Variants in NLGN1 observed in about 807,000 individuals in gnomAD.
NLGN1 encodes the protein neuroligin-1.
Under a neutral mutation model 65.5 loss-of-function variants are expected in NLGN1, and 12 were observed. The ratio of observed to expected loss-of-function variants is 0.18; its 90% confidence interval spans 0.12 to 0.30. The LOEUF (loss-of-function observed/expected upper bound fraction) is 0.30, where lower values mean the gene tolerates loss of function less well. NLGN1 is among the 10% of genes least tolerant of loss of function. The probability of loss-of-function intolerance (pLI) is 1.00; values close to 1 mark genes in which losing one functional copy is unlikely to be tolerated. For synonymous variants in NLGN1, 350 were observed against 359.5 expected (o/e 0.97, Z 0.30); for missense variants, 750 against 1,007.1 (o/e 0.74, Z 3.46).
intron 3 of NLGN1, chr3:173,790,016 A>G (rs1219923425): frequency 5.3e-6 from 2 of 377,460 alleles, no homozygotes; most frequent in South Asian, 3.9e-5. Context: ...TCCTCATACC[A>G]TAGGAGGCAC....
intron 3 of NLGN1, among the ~76,000 whole-genome samples, chr3:173,608,677 G>C (rs560306480): frequency 2.0e-5 from 3 of 151,658 alleles, no homozygotes; most frequent in Non-Finnish European, 4.4e-5. Flanking sequence ...ATAGATTTCC[G>C]TTATGTTAAA....
At chr3:173,523,190 C>T (rs548526992) in intron 2 of NLGN1, among the ~76,000 whole-genome samples, 19 of 151,188 alleles carry the variant, frequency 1.3e-4, no homozygotes, top group Admixed American at 1.1e-3. Context: ...AAATATTTTC[C>T]CTCACTCTGC....
At chr3:174,240,095 A>G (rs1380928111) in intron 4 of NLGN1, among the ~76,000 whole-genome samples, 1 of 152,146 alleles carries the variant, frequency 6.6e-6, no homozygotes, top group East Asian at 1.9e-4. Context: ...ATATTTAACA[A>G]TGGGTGTGTA....
At chr3:174,118,058 T>C (rs1716920678) in intron 4 of NLGN1, among the ~76,000 whole-genome samples, 1 of 152,222 alleles carries the variant, frequency 6.6e-6, no homozygotes, top group African/African-American at 2.4e-5. Flanking sequence ...TTGTTGTTGA[T>C]TTTTCATCTA....
At chr3:174,072,598 G>A (rs1299535214) in intron 4 of NLGN1, among the ~76,000 whole-genome samples, 1 of 152,086 alleles carries the variant, frequency 6.6e-6, no homozygotes, top group African/African-American at 2.4e-5. Context: ...TTGAGCAACG[G>A]GAATGTGAGG....
At chr3:174,003,239 AGGT>A (rs1337060719) in intron 4 of NLGN1, among the ~76,000 whole-genome samples, 3 of 152,168 alleles carry the variant, frequency 2.0e-5, no homozygotes, top group African/African-American at 7.2e-5. Flanking sequence ...ACTATTGCAA[AGGT>A]TATTTTCTTT....
chr3:173,635,209 C>A (rs1476059091), intron 3 of NLGN1, among the ~76,000 whole-genome samples: 2 of 152,088 alleles, frequency 1.3e-5, no homozygotes, highest in Non-Finnish European at 2.9e-5. Context: ...CTACTCCCTA[C>A]AGTTTCTTAA....
intron 2 of NLGN1, among the ~76,000 whole-genome samples, chr3:173,511,691 G>A (rs925314534): frequency 9.2e-5 from 14 of 151,610 alleles, no homozygotes; most frequent in Non-Finnish European, 1.6e-4. Flanking sequence ...TTGCTTTTCA[G>A]GTTTGGAAGT....
intron 3 of NLGN1, among the ~76,000 whole-genome samples, chr3:173,706,493 G>A (rs1428045202): frequency 2.6e-5 from 4 of 152,150 alleles, no homozygotes; most frequent in Non-Finnish European, 5.9e-5. Context: ...AGGTGCTTAG[G>A]TAGATATTTT....
intron 4 of NLGN1, among the ~76,000 whole-genome samples, chr3:174,182,208 T>C (rs1053629029): frequency 3.9e-5 from 6 of 152,120 alleles, no homozygotes; most frequent in Non-Finnish European, 7.4e-5. Context: ...TGCCTTAATA[T>C]AGGACTTCAT....
At chr3:173,899,753 A>G (rs1736987678) in intron 4 of NLGN1, among the ~76,000 whole-genome samples, 1 of 152,106 alleles carries the variant, frequency 6.6e-6, no homozygotes, top group African/African-American at 2.4e-5. Context: ...TATATGGCCT[A>G]TGAAGCCTGA....
intron 4 of NLGN1, among the ~76,000 whole-genome samples, chr3:174,119,018 A>G (rs1316891179): frequency 5.9e-5 from 9 of 151,766 alleles, no homozygotes; most frequent in Non-Finnish European, 1.2e-4. Flanking sequence ...GAGGACATAG[A>G]AAAAAAAAGT....
At chr3:173,559,702 T>C (rs571535391) in intron 2 of NLGN1, among the ~76,000 whole-genome samples, 1 of 152,276 alleles carries the variant, frequency 6.6e-6, no homozygotes, top group South Asian at 2.1e-4. Flanking sequence ...AGTCGAGATA[T>C]AACGAAAGAG....
intron 4 of NLGN1, among the ~76,000 whole-genome samples, chr3:173,820,134 G>A (rs998593884): frequency 2.6e-5 from 4 of 150,990 alleles, no homozygotes; most frequent in African/African-American, 9.7e-5. Context: ...AGCGGAGATG[G>A]CGCCACTGCA....
At chr3:173,558,205 T>C (rs1158526497) in intron 2 of NLGN1, among the ~76,000 whole-genome samples, 1 of 152,156 alleles carries the variant, frequency 6.6e-6, no homozygotes, top group Non-Finnish European at 1.5e-5. Flanking sequence ...ATTATTTTCC[T>C]AATTGTAATA....
chr3:174,037,433 A>G (rs765151395), intron 4 of NLGN1, among the ~76,000 whole-genome samples: 7 of 152,200 alleles, frequency 4.6e-5, no homozygotes, highest in Non-Finnish European at 1.0e-4. Flanking sequence ...GCTGCTCTCT[A>G]CCAGCATGAC....
intron 3 of NLGN1, among the ~76,000 whole-genome samples, chr3:173,654,666 C>A (rs12634267): frequency 6.6e-6 from 1 of 152,110 alleles, no homozygotes; most frequent in African/African-American, 2.4e-5. Flanking sequence ...AAAGCTATTG[C>A]TAAGTCAAAT....
chr3:174,261,927 A>C (rs1417601390), intron 4 of NLGN1, among the ~76,000 whole-genome samples: 1 of 146,636 alleles, frequency 6.8e-6, no homozygotes, highest in East Asian at 2.0e-4. Context: ...CTTTTTCTGC[A>C]TCTATTGAGA....
At chr3:173,779,343 T>C (rs1780787222) in intron 3 of NLGN1, among the ~76,000 whole-genome samples, 1 of 151,988 alleles carries the variant, frequency 6.6e-6, no homozygotes, top group Non-Finnish European at 1.5e-5. Context: ...GACCAACATT[T>C]TGAATATCAA....
Sources: allele counts gnomAD v4.1 joint callset (sites outside exome capture counted in the v4.1 genomes callset), GRCh38; gene constraint gnomAD v4.1.1; transcripts MANE v1.5; gene names NCBI Gene and HGNC (gene_info 2026-07-23, HGNC 2026-07-21).